KCNIP4: variants seen among roughly 807,000 people sequenced by gnomAD.
KCNIP4 encodes the protein potassium voltage-gated channel interacting protein 4, also known as Kv channel-interacting protein 4.
KCNIP4 carries 12 observed loss-of-function variants against 34.0 expected under a neutral mutation model. The ratio of observed to expected loss-of-function variants is 0.35; its 90% CI spans 0.23 to 0.57. KCNIP4 has a LOEUF of 0.57. Among genes scored for constraint, KCNIP4 ranks in the 20% least tolerant of loss-of-function variants. The probability of loss-of-function intolerance (pLI) is 0.83; values close to 1 mark genes in which losing one functional copy is unlikely to be tolerated. For synonymous variants in KCNIP4, 124 were observed against 102.2 expected, an observed-to-expected ratio of 1.21 and a Z score of -1.29; for missense variants, 238 against 311.7, an observed-to-expected ratio of 0.76 and a Z score of 1.78.
In KCNIP4 at chr4:20,798,896, T is replaced by G. The variant is rs182181632; in HGVS notation, c.289-40006A>C. ...CATGCTGAGCTATATTCAGAGAAGG[T>G]GACAACACTGTGCCCTGGCCTCACT... On this transcript the variant is annotated intron_variant, in intron 3 of 8. Coordinates refer to ENST00000382152, the MANE Select transcript of KCNIP4 (RefSeq NM_025221.6). 3.3e-4 allele frequency among the ~76,000 whole-genome samples: 51 copies of G among 152,260 alleles called. No homozygotes were observed. In the East Asian group the frequency reaches 9.5e-3, roughly 28 times the overall value.
chr4:20,827,052 A>G (rs1374185244), intron 3 of KCNIP4, among the ~76,000 whole-genome samples: 1 of 152,132 alleles, frequency 6.6e-6, no homozygotes, highest in Non-Finnish European at 1.5e-5. Context: ...AAGACGTGTT[A>G]TTGCCTTTGA....
intron 3 of KCNIP4, among the ~76,000 whole-genome samples, chr4:20,764,847 T>G (rs1039547759): frequency 2.6e-5 from 4 of 152,136 alleles, no homozygotes; most frequent in Non-Finnish European, 5.9e-5. Context: ...ACAGACAGGG[T>G]CGCTGTGATG....
intron 1 of KCNIP4, among the ~76,000 whole-genome samples, chr4:21,053,220 G>T (rs1349527867): frequency 6.6e-6 from 1 of 152,118 alleles, no homozygotes; most frequent in Non-Finnish European, 1.5e-5. Context: ...TGATTTCATT[G>T]ATTAAACGAG....
intron 1 of KCNIP4, among the ~76,000 whole-genome samples, chr4:21,681,213 T>TACG (rs1255873293): frequency 6.6e-6 from 1 of 152,020 alleles, no homozygotes; most frequent in Non-Finnish European, 1.5e-5. Flanking sequence ...GAGCTGGGAC[T>TACG]ACGTACAGTC....
chr4:21,600,183 A>G (rs912274018), intron 1 of KCNIP4, among the ~76,000 whole-genome samples: 4 of 152,078 alleles, frequency 2.6e-5, no homozygotes, highest in Non-Finnish European at 5.9e-5. Flanking sequence ...GGAGATAAAC[A>G]ATACAAAAAC....
chr4:20,933,899 A>G (rs1730765353), intron 1 of KCNIP4, among the ~76,000 whole-genome samples: 2 of 152,172 alleles, frequency 1.3e-5, no homozygotes, highest in African/African-American at 4.8e-5. Context: ...AGCAAAATGG[A>G]TGGTTGGCCA....
chr4:20,976,633 A>G (rs1490970167), intron 1 of KCNIP4, among the ~76,000 whole-genome samples: 3 of 151,914 alleles, frequency 2.0e-5, no homozygotes, highest in Non-Finnish European at 2.9e-5. Context: ...CTCCCTTATT[A>G]TGTGAGAGAA....
At chr4:21,221,839 T>A (rs1244765634) in intron 1 of KCNIP4, among the ~76,000 whole-genome samples, 5 of 152,194 alleles carry the variant, frequency 3.3e-5, no homozygotes, top group Non-Finnish European at 1.5e-5. Context: ...ACAATCTGAA[T>A]CTAGGCAGCC....
intron 1 of KCNIP4, among the ~76,000 whole-genome samples, chr4:20,909,294 G>T (rs1162336934): frequency 6.6e-6 from 1 of 152,012 alleles, no homozygotes; most frequent in African/African-American, 2.4e-5. Flanking sequence ...TTATTTCATA[G>T]AGCATATTAG....
At chr4:21,944,857 G>GC (rs145129534) in intron 1 of KCNIP4, among the ~76,000 whole-genome samples, 69,875 of 151,520 alleles carry the variant, frequency 0.46, 17,493 homozygotes, top group African/African-American at 0.65. Flanking sequence ...CTTTTGGAAT[G>GC]AAATGGGTGC....
At chr4:21,076,080 T>C (rs1208265137) in intron 1 of KCNIP4, among the ~76,000 whole-genome samples, 2 of 152,172 alleles carry the variant, frequency 1.3e-5, no homozygotes, top group African/African-American at 4.8e-5. Flanking sequence ...ATTTTTTCCT[T>C]CATTTCAACT....
At chr4:21,657,909 G>C (rs1331874214) in intron 1 of KCNIP4, among the ~76,000 whole-genome samples, 2 of 151,046 alleles carry the variant, frequency 1.3e-5, no homozygotes, top group Non-Finnish European at 2.9e-5. Context: ...GAACGATCTC[G>C]GCTCAGTGCA....
At chr4:21,639,798 C>G (rs1360010696) in intron 1 of KCNIP4, among the ~76,000 whole-genome samples, 10 of 152,088 alleles carry the variant, frequency 6.6e-5, no homozygotes, top group Admixed American at 1.3e-4. Context: ...CTGAGTATGT[C>G]TATTCTAATT....
At chr4:21,866,565 G>C (rs1027247651) in intron 1 of KCNIP4, among the ~76,000 whole-genome samples, 1 of 152,116 alleles carries the variant, frequency 6.6e-6, no homozygotes, top group Non-Finnish European at 1.5e-5. Context: ...ATGGTCACGT[G>C]CATAATGCAT....
chr4:21,572,306 T>C (rs1166649709), intron 1 of KCNIP4, among the ~76,000 whole-genome samples: 2 of 152,192 alleles, frequency 1.3e-5, no homozygotes, highest in Non-Finnish European at 2.9e-5. Context: ...TTTTACATCA[T>C]GGAAACTTAG....
In KCNIP4 at chr4:21,782,176, C is replaced by T. The variant is rs1237704150; in HGVS notation, c.61+166395G>A. Among the ~76,000 whole-genome samples, 4 of 152,142 alleles carry T rather than the reference C, an allele frequency of 2.6e-5. No homozygotes were observed. The East Asian group carries it at 7.8e-4, about 29-fold the overall frequency. ...AGACTGATGGAGTGGAGTGAAAAAA[C>T]ACGACCTAACTACAAGCTGTCTACA... On this transcript the variant is annotated intron_variant, in intron 1 of 8. Coordinates refer to ENST00000382152, the MANE Select transcript of KCNIP4 (RefSeq NM_025221.6).
At chr4:21,869,345 G>T (rs1408532634) in intron 1 of KCNIP4, among the ~76,000 whole-genome samples, 1 of 152,030 alleles carries the variant, frequency 6.6e-6, no homozygotes, top group East Asian at 1.9e-4. Flanking sequence ...TACCCAGTAG[G>T]CTCCTAGAAG....
intron 3 of KCNIP4, among the ~76,000 whole-genome samples, chr4:20,842,139 C>G (rs1460639268): frequency 2.0e-5 from 3 of 152,108 alleles, no homozygotes; most frequent in Non-Finnish European, 4.4e-5. Context: ...AGAAAAATTA[C>G]CTGTCTTTTT....
Position 21,948,170 on chromosome 4 carries a change from T to G in KCNIP4, c.61+401A>C, listed in dbSNP as rs117418471. ...AACGTGTGGGGGCATGAAGGAAAAG[T>G]GGAAGGCGAGGATCAATACTATTTC... On this transcript the variant is annotated intron_variant, in intron 1 of 8. Coordinates refer to ENST00000382152, the MANE Select transcript of KCNIP4 (RefSeq NM_025221.6). 6.8e-4 allele frequency among the ~76,000 whole-genome samples: 103 copies of G among 152,230 alleles called. No individual in the cohort carries two copies. In the East Asian group the frequency reaches 0.019, roughly 28 times the overall value.
Sources: gnomAD v4.1 joint callset for allele counts (sites outside exome capture counted in the v4.1 genomes callset) on GRCh38, gnomAD v4.1.1 for gene constraint, MANE v1.5 for transcripts, NCBI Gene and HGNC (gene_info 2026-07-23, HGNC 2026-07-21) for gene names.